SERPINB11: variants seen among roughly 807,000 people sequenced by gnomAD.
SERPINB11 encodes serpin B11.
SERPINB11 carries 32 observed loss-of-function variants against 36.7 expected under a neutral mutation model. The ratio of observed to expected loss-of-function variants is 0.87; its 90% CI spans 0.66 to 1.17. The LOEUF is 1.17. Among genes scored for constraint, SERPINB11 ranks in the 50% most tolerant of loss-of-function variants. SERPINB11 has a pLI of 0.00. For missense variants in SERPINB11, 528 were observed against 458.4 expected (o/e 1.15, Z -1.39); for synonymous variants, 174 against 168.1 (o/e 1.04, Z -0.27).
At chr18:63,716,341 C>T (rs372577519) in intron 5 of SERPINB11, among the ~76,000 whole-genome samples, 189 bp downstream of exon 5, 13 of 152,044 alleles carry the variant, frequency 8.6e-5, no homozygotes, top group East Asian at 5.8e-4. Flanking sequence ...AGTGACTCTG[C>T]GAATGAACAC....
chr18:63,718,889 C>A (rs1914734631), intron 5 of SERPINB11, among the ~76,000 whole-genome samples: 1 of 151,666 alleles, frequency 6.6e-6, no homozygotes, highest in African/African-American at 2.4e-5. Context: ...TTACTTAGCA[C>A]AGTGGTGTAA....
At chr18:63,703,063 CAATA>C (rs1466524933) in intron 1 of SERPINB11, 57 bp downstream of exon 1, 2 of 152,104 alleles carry the variant, frequency 1.3e-5, no homozygotes, top group Non-Finnish European at 2.9e-5. Flanking sequence ...TCAAAGGGGA[CAATA>C]AATAAGAGTA....
At chr18:63,709,497 G>C (rs1021610330) in intron 1 of SERPINB11, among the ~76,000 whole-genome samples, 3 of 152,076 alleles carry the variant, frequency 2.0e-5, no homozygotes, top group African/African-American at 7.2e-5. Context: ...TGTAGTCCCA[G>C]CTACTCGGGA....
chr18:63,704,543 G>A (rs1355498990), intron 1 of SERPINB11, among the ~76,000 whole-genome samples: 1 of 152,136 alleles, frequency 6.6e-6, no homozygotes, highest in Non-Finnish European at 1.5e-5. Flanking sequence ...GCAAGACAGA[G>A]TTTTAATATT....
At chr18:63,716,535 T>C (rs1914672576) in intron 5 of SERPINB11, among the ~76,000 whole-genome samples, 1 of 152,176 alleles carries the variant, frequency 6.6e-6, no homozygotes, top group Admixed American at 6.5e-5. Flanking sequence ...GAACCCTATT[T>C]ATCCATCACT....
chr18:63,703,775 C>T (rs528048043), intron 1 of SERPINB11, among the ~76,000 whole-genome samples: 29 of 152,330 alleles, frequency 1.9e-4, no homozygotes, highest in African/African-American at 6.3e-4. Flanking sequence ...ACCAGACCCT[C>T]CGTCTGTTGC....
In SERPINB11 at chr18:63,711,382, G is replaced by T. The variant is rs1216719791; in HGVS notation, c.216G>T (p.Lys72Asn). ...TAGACTCATTAAAACCAGGGTTCAA[G>T]GACTCACCTAAGGTATGATAATATT... ...HTVDSLKPGF[K>N]DSPKCSQAGR... Residue 72 changes from lysine (K) to asparagine (N), a missense_variant, in exon 3 of 8, where the codon AAG (lysine) becomes AAT (asparagine). Transcript: ENST00000544088. The T allele has an allele frequency of 6.2e-7, 1 of 1,606,216 alleles. No individual in the cohort carries two copies. Among genetic ancestry groups the T allele is most frequent in the African/African-American group, 1.3e-5 (1 of 74,678 alleles).
At chr18:63,714,526 G>T (rs1914616152) in intron 4 of SERPINB11, among the ~76,000 whole-genome samples, 1 of 152,094 alleles carries the variant, frequency 6.6e-6, no homozygotes, top group Non-Finnish European at 1.5e-5. Context: ...TATAAGACAG[G>T]CATTCCCAGA....
chr18:63,717,881 T>C (rs1294102784), intron 5 of SERPINB11, among the ~76,000 whole-genome samples: 1 of 151,562 alleles, frequency 6.6e-6, no homozygotes, highest in Non-Finnish European at 1.5e-5. Context: ...TTTGCACACA[T>C]TTTTTGGACG....
At chr18:63,714,093 C>T (rs548773153) in intron 4 of SERPINB11, among the ~76,000 whole-genome samples, 57 of 152,118 alleles carry the variant, frequency 3.7e-4, no homozygotes, top group African/African-American at 9.9e-4. Context: ...CCCTATGTGT[C>T]GGCTGGTCTG....
chr18:63,723,059 G>T lies in SERPINB11; in HGVS notation c.839G>T (p.Arg280Ile). Reference sequence around the variant, plus strand: ...ACAAGCTCTTCTAACATGATGGAAAGAGAAGTTGAAGTACACCTCCCCCGA... The same window carrying T: ...ACAAGCTCTTCTAACATGATGGAAATAGAAGTTGAAGTACACCTCCCCCGA... ...EWTSSSNMMEREVEVHLPRFK... is the reference protein window; with the variant it reads ...EWTSSSNMMEIEVEVHLPRFK... The change falls in exon 8 of 8, where the codon AGA (arginine) becomes ATA (isoleucine). Residue 280 changes from arginine (R) to isoleucine (I), a missense_variant. Physicochemically the swap from Arg to Ile is moderately conservative, Grantham distance 97. Coordinates refer to ENST00000544088, the MANE Select transcript of SERPINB11 (RefSeq NM_001370475.1). The T allele has an allele frequency of 6.2e-7, 1 of 1,604,670 alleles. No individual in the cohort carries two copies. Among genetic ancestry groups the T allele is most frequent in the Non-Finnish European group, 8.5e-7 (1 of 1,175,426 alleles).
chr18:63,712,895 A>G (rs937821618), intron 4 of SERPINB11, among the ~76,000 whole-genome samples: 1 of 152,234 alleles, frequency 6.6e-6, no homozygotes, highest in Non-Finnish European at 1.5e-5. Flanking sequence ...GACTTCTTCA[A>G]GATCCCTAAT....
intron 1 of SERPINB11, among the ~76,000 whole-genome samples, chr18:63,707,482 T>C (rs1410762848): frequency 6.6e-6 from 1 of 152,224 alleles, no homozygotes. Flanking sequence ...TCTTATTTCA[T>C]GCATTTGTAA....
chr18:63,713,891 G>A (rs1315809371), intron 4 of SERPINB11, among the ~76,000 whole-genome samples: 1 of 152,152 alleles, frequency 6.6e-6, no homozygotes, highest in African/African-American at 2.4e-5. Context: ...ACTATGTCAT[G>A]AGAGGGACCT....
chr18:63,705,155 G>A (rs1435886236), intron 1 of SERPINB11: 2 of 152,242 alleles, frequency 1.3e-5, no homozygotes, highest in Non-Finnish European at 2.9e-5. Flanking sequence ...GCTCACAGCA[G>A]CCTTGACCTC....
rs1914872896 is a variant in SERPINB11 at position 63,723,313 on chromosome 18, T to G, written c.1093T>G (p.Phe365Val). 6.2e-7 allele frequency: 1 copy of G among 1,613,830 alleles called. No individual in the cohort carries two copies. The highest frequency in any genetic ancestry group is 2.2e-5 in the East Asian group (1 of 44,864). The change falls in exon 8 of 8, where the codon TTC becomes GTC. Residue 365 changes from phenylalanine (F) to valine (V), a missense_variant. Phe to Val is a conservative substitution (Grantham distance 50). Coordinates refer to ENST00000544088, the MANE Select transcript of SERPINB11 (RefSeq NM_001370475.1). ...AAAAAGCCTACCAATGAGAGCTCAG[T>G]TCAAGGCGAACCACCCCTTCCTTTT... Reference protein sequence around the residue: ...AVKSLPMRAQFKANHPFLFFI... With the variant: ...AVKSLPMRAQVKANHPFLFFI...
At chr18:63,714,800 C>A (rs1032920623) in intron 4 of SERPINB11, among the ~76,000 whole-genome samples, 1 of 151,984 alleles carries the variant, frequency 6.6e-6, no homozygotes, top group Non-Finnish European at 1.5e-5. Flanking sequence ...GTGCAGTTAA[C>A]GCAATCATCA....
intron 4 of SERPINB11, among the ~76,000 whole-genome samples, chr18:63,713,280 A>G (rs1914576272): frequency 2.0e-5 from 3 of 152,142 alleles, no homozygotes; most frequent in Admixed American, 2.0e-4. Flanking sequence ...ATCTCCTATA[A>G]TCCTCACACT....
intron 1 of SERPINB11, among the ~76,000 whole-genome samples, chr18:63,709,719 T>A (rs1914467777): frequency 6.6e-6 from 1 of 152,212 alleles, no homozygotes; most frequent in South Asian, 2.1e-4. Context: ...CAAAAATGAC[T>A]GAGATGGAGA....
Sources: allele counts gnomAD v4.1 joint callset (sites outside exome capture counted in the v4.1 genomes callset), GRCh38; gene constraint gnomAD v4.1.1; transcripts MANE v1.5; gene names NCBI Gene and HGNC (gene_info 2026-07-23, HGNC 2026-07-21).